Variants in PTPRK observed in about 807,000 individuals in gnomAD.
The protein encoded by PTPRK is receptor-type tyrosine-protein phosphatase kappa.
In PTPRK, 75 loss-of-function variants were observed where a neutral mutation model predicts 178.0. The observed-to-expected ratio is 0.42, with a 90% CI of 0.35 to 0.51. The LOEUF (loss-of-function observed/expected upper bound fraction) is 0.51, where lower values mean the gene tolerates loss of function less well. Among genes scored for constraint, PTPRK ranks in the 20% least tolerant of loss-of-function variants. The probability of loss-of-function intolerance (pLI) is 0.02; values close to 1 mark genes in which losing one functional copy is unlikely to be tolerated. For missense variants in PTPRK, 1,441 were observed against 1,797.8 expected (o/e 0.80, Z 3.59); for synonymous variants, 637 against 620.6 (o/e 1.03, Z -0.39).
chr6:128,517,555 G>A (rs892968951), intron 1 of PTPRK, among the ~76,000 whole-genome samples: 1 of 152,126 alleles, frequency 6.6e-6, no homozygotes, highest in Non-Finnish European at 1.5e-5. Context: ...TTTACAGAAC[G>A]TTCTGGTTTT....
At chr6:127,978,549 A>C (rs1774879371) in intron 25 of PTPRK, among the ~76,000 whole-genome samples, 1 of 152,182 alleles carries the variant, frequency 6.6e-6, no homozygotes, top group South Asian at 2.1e-4. Context: ...TAAATTACCC[A>C]GTCTCAGGTA....
chr6:128,348,276 A>G (rs1346292082), intron 2 of PTPRK, among the ~76,000 whole-genome samples: 1 of 152,042 alleles, frequency 6.6e-6, no homozygotes, highest in Non-Finnish European at 1.5e-5. Flanking sequence ...GCAAAGACCC[A>G]AAATGTAAAA....
chr6:128,028,598 A>G (rs1351377966), intron 13 of PTPRK, among the ~76,000 whole-genome samples: 2 of 152,126 alleles, frequency 1.3e-5, no homozygotes, highest in Admixed American at 1.3e-4. Flanking sequence ...TTTAAATGTC[A>G]CTTTGTATGG....
intron 14 of PTPRK, among the ~76,000 whole-genome samples, chr6:128,008,806 T>C (rs1200030795): frequency 1.3e-5 from 2 of 151,108 alleles, no homozygotes; most frequent in African/African-American, 2.4e-5. Context: ...AATAAATCCA[T>C]ATTTTGCCAT....
intron 2 of PTPRK, 29 bp from the exon 3 acceptor site, chr6:128,322,339 A>G: frequency 5.9e-6 from 9 of 1,518,484 alleles, no homozygotes. Flanking sequence ...TAATAATGCT[A>G]AAGAGATATA....
chr6:128,130,394 C>T (rs114956398), intron 7 of PTPRK, among the ~76,000 whole-genome samples: 27 of 152,268 alleles, frequency 1.8e-4, no homozygotes, highest in African/African-American at 6.5e-4. Flanking sequence ...TAAAAAAATA[C>T]TCCAGTGTCT....
At chr6:128,386,033 TTC>T (rs1177537244) in intron 2 of PTPRK, among the ~76,000 whole-genome samples, 1 of 152,202 alleles carries the variant, frequency 6.6e-6, no homozygotes, top group African/African-American at 2.4e-5. Flanking sequence ...ACTTTTAATG[TTC>T]TGTTTTTTTG....
chr6:128,078,140 A>G (rs1023491592), intron 11 of PTPRK, among the ~76,000 whole-genome samples: 2 of 151,952 alleles, frequency 1.3e-5, no homozygotes, highest in Admixed American at 6.6e-5. Flanking sequence ...AGGACGTGAA[A>G]TGAAATGGGA....
At chr6:128,201,003 C>T (rs1352399166) in intron 6 of PTPRK, among the ~76,000 whole-genome samples, 1 of 151,306 alleles carries the variant, frequency 6.6e-6, no homozygotes, top group East Asian at 2.0e-4. Context: ...AAAGATCCTA[C>T]CTTACTGAGC....
chr6:128,245,488 C>T (rs892716964), intron 3 of PTPRK, among the ~76,000 whole-genome samples: 5 of 152,098 alleles, frequency 3.3e-5, no homozygotes, highest in East Asian at 1.9e-4. Context: ...TAAGGTAAGC[C>T]GCTGGAATGG....
intron 7 of PTPRK, among the ~76,000 whole-genome samples, chr6:128,133,792 A>G (rs1390143985): frequency 1.3e-5 from 2 of 150,924 alleles, no homozygotes; most frequent in African/African-American, 4.9e-5. Flanking sequence ...GGCTCAAGTG[A>G]TCTTCTCGTC....
At chr6:128,149,690 G>A (rs1210596083) in intron 7 of PTPRK, among the ~76,000 whole-genome samples, 1 of 152,030 alleles carries the variant, frequency 6.6e-6, no homozygotes, top group African/African-American at 2.4e-5. Context: ...CCTAGCACTT[G>A]GTAAGGTCTC....
At chr6:128,514,289 G>A (rs1290957343) in intron 1 of PTPRK, among the ~76,000 whole-genome samples, 1 of 151,938 alleles carries the variant, frequency 6.6e-6, no homozygotes, top group African/African-American at 2.4e-5. Context: ...TGTTAAGTAT[G>A]GAGTTTTGAT....
At chr6:128,495,725 T>G (rs1429735508) in intron 1 of PTPRK, among the ~76,000 whole-genome samples, 23 of 152,184 alleles carry the variant, frequency 1.5e-4, no homozygotes, top group Non-Finnish European at 1.9e-4. Flanking sequence ...AATTTGATCA[T>G]GTCTTTTCCT....
At chr6:128,085,961 A>T (rs1785732242) in intron 8 of PTPRK, among the ~76,000 whole-genome samples, 1 of 152,240 alleles carries the variant, frequency 6.6e-6, no homozygotes, top group Non-Finnish European at 1.5e-5. Context: ...AAGGAAGATC[A>T]TGTGTACAAT....
intron 5 of PTPRK, among the ~76,000 whole-genome samples, chr6:128,234,632 T>G (rs561667250): frequency 6.6e-6 from 1 of 152,356 alleles, no homozygotes; most frequent in South Asian, 2.1e-4. Flanking sequence ...CTGAGATCCA[T>G]TCACGCTGTT....
chr6:128,321,643 C>G (rs1039904372), intron 3 of PTPRK: 1 of 592,644 alleles, frequency 1.7e-6, no homozygotes, highest in Non-Finnish European at 2.9e-6. Context: ...GTAAATCAGT[C>G]CAGTCTGAAG....
At chr6:127,987,385 C>T (rs866041443) in intron 21 of PTPRK, among the ~76,000 whole-genome samples, 14 of 152,016 alleles carry the variant, frequency 9.2e-5, no homozygotes, top group African/African-American at 2.7e-4. Context: ...CACTCATTCA[C>T]ATATTATGCG....
At chr6:128,495,962 A>G (rs1262968713) in intron 1 of PTPRK, among the ~76,000 whole-genome samples, 1 of 152,086 alleles carries the variant, frequency 6.6e-6, no homozygotes, top group Non-Finnish European at 1.5e-5. Flanking sequence ...TAGCTTTCCT[A>G]ATGTCAAAAT....
Sources: allele counts gnomAD v4.1 joint callset (sites outside exome capture counted in the v4.1 genomes callset), GRCh38; gene constraint gnomAD v4.1.1; transcripts MANE v1.5; gene names NCBI Gene and HGNC (gene_info 2026-07-23, HGNC 2026-07-21).